The following SELENOV variants were observed in gnomAD, a reference collection of about 807,000 sequenced individuals.
SELENOV encodes selenoprotein V.
In SELENOV, 25 loss-of-function variants were observed where a neutral mutation model predicts 21.6. That is an observed-to-expected ratio of 1.16 (90% CI 0.84 to 1.62). The LOEUF is 1.62. Ranked by LOEUF, SELENOV falls within the 40% of genes most tolerant of loss-of-function variation. The probability of loss-of-function intolerance (pLI) is 0.00; values close to 1 mark genes in which losing one functional copy is unlikely to be tolerated. For missense variants in SELENOV, 472 were observed against 459.0 expected (o/e 1.03, Z -0.26); for synonymous variants, 227 against 216.9 (o/e 1.05, Z -0.41).
At chr19:39,518,976 A>G in exon 4 of SELENOV, 1 of 1,613,576 alleles carries the variant, frequency 6.2e-7, no homozygotes, top group Non-Finnish European at 8.5e-7. Context: ...CATTCCAAGA[A>G]GGTGATCCTG....
chr19:39,516,422 C>T (rs574529846), intron 1 of SELENOV, among the ~76,000 whole-genome samples: 57 of 152,032 alleles, frequency 3.7e-4, no homozygotes, highest in Non-Finnish European at 1.8e-4. Context: ...CCTCTCTGGC[C>T]CCTTGTCTCT....
Position 39,515,282 on chromosome 19 carries a change from C to T in SELENOV, c.70C>T (p.Pro24Ser). 1 of 1,551,190 alleles carries T rather than the reference C, an allele frequency of 6.4e-7. No individual in the cohort carries two copies. Among genetic ancestry groups the T allele is most frequent in the Admixed American group, 2.0e-5 (1 of 50,992 alleles). ...TTCAACCTCAGTCCGGGCTTCTACC[C>T]CGACCCGGACACCGACTCCACTCCG... The change falls in exon 1 of 6, where the codon CCG becomes TCG. Residue 24 changes from proline to serine, a missense_variant. Coordinates refer to ENST00000335426, the Ensembl canonical transcript of SELENOV. This position sits in a 1 kb window ranked among gnomAD's most constrained non-coding sequence, Gnocchi z 5.1.
chr19:39,515,558 C>A lies in SELENOV; in HGVS notation c.346C>A (p.Leu116Met). The A allele has an allele frequency of 6.5e-7, 1 of 1,549,964 alleles. No homozygotes were observed. Among genetic ancestry groups the A allele is most frequent in the Non-Finnish European group, 8.7e-7 (1 of 1,146,906 alleles). ...TCCGGTCCCGACTCCGGCTCGGACC[C>A]TGACTCCTCCAGTCCGGGTCCCAGC... Residue 116 changes from leucine (L) to methionine (M), a missense_variant, in exon 1 of 6, where the codon CTG becomes ATG. Coordinates refer to ENST00000335426, the Ensembl canonical transcript of SELENOV. The surrounding 1 kb of genome is among the most constrained non-coding windows in gnomAD (Gnocchi z 5.1).
At chr19:39,519,740 C>A (rs556283294) in intron 5 of SELENOV, among the ~76,000 whole-genome samples, 28 of 151,142 alleles carry the variant, frequency 1.9e-4, no homozygotes, top group African/African-American at 5.3e-4. Context: ...CCGAGGCGGG[C>A]GGGTCACGAG....
At chr19:39,520,470 G>A (rs2079722784) in exon 6 of SELENOV, 3 of 152,170 alleles carry the variant, frequency 2.0e-5, no homozygotes, top group Admixed American at 2.0e-4. Context: ...CCCATGCCCT[G>A]GTTCCAGATA....
Position 39,515,748 on chromosome 19 carries a change from C to A in SELENOV, c.536C>A (p.Pro179Gln), listed in dbSNP as rs775373840. ...CCGGCGCCGAGCCTGAAGCTCATCCCGTCGGTCTCCAGCGAGGCCGGGCCC... is the reference window on the plus strand; with the variant it reads ...CCGGCGCCGAGCCTGAAGCTCATCCAGTCGGTCTCCAGCGAGGCCGGGCCC... The change falls in exon 1 of 6, where the codon CCG (proline) becomes CAG (glutamine). Residue 179 changes from proline (P) to glutamine (Q), a missense_variant. Transcript: ENST00000335426. This position sits in a 1 kb window ranked among gnomAD's most constrained non-coding sequence, Gnocchi z 5.1. The A allele has an allele frequency of 1.9e-6, 3 of 1,549,300 alleles. No homozygotes were observed. The highest frequency in any genetic ancestry group is 2.0e-5 in the Admixed American group (1 of 50,916).
rs2079715133 is a variant in SELENOV at position 39,519,067 on chromosome 19, C to T, written c.964-4C>T. ...CCTGTGTGCTTTCTTCCCTCTGTGC[C>T]CAGAGGGGTGATGGCTTTGTGAACG... On this transcript the variant is annotated splice_region_variant and splice_polypyrimidine_tract_variant and intron_variant, in intron 4 of 5. Transcript: ENST00000335426. The T allele has an allele frequency of 6.2e-7, 1 of 1,612,768 alleles. No homozygotes were observed. Among genetic ancestry groups the T allele is most frequent in the East Asian group, 2.2e-5 (1 of 44,846 alleles).
chr19:39,519,172 T>C lies in SELENOV; in HGVS notation c.*22+2T>C. On this transcript the variant is annotated splice_donor_variant, in intron 5 of 5. Coordinates refer to ENST00000335426, the Ensembl canonical transcript of SELENOV. LOFTEE classifies it low-confidence loss of function (3UTR_SPLICE). ...AGCCGGCAAGGGGTGGAGCTGGAGG[T>C]GAGCGTGGAGCTCCCAAGGCTGCGG... The C allele has an allele frequency of 1.2e-6, 2 of 1,607,026 alleles. No homozygotes were observed. The highest frequency in any genetic ancestry group is 1.7e-4 in the Middle Eastern group (1 of 5,794).
At chr19:39,518,301 A>G (rs1036306324) in intron 1 of SELENOV, among the ~76,000 whole-genome samples, 5 of 150,744 alleles carry the variant, frequency 3.3e-5, no homozygotes, top group African/African-American at 9.8e-5. Flanking sequence ...AAACAAAAAA[A>G]AAAGAGAGAG....
Position 39,515,652 on chromosome 19 carries a change from C to T in SELENOV, c.440C>T (p.Pro147Leu). The T allele has an allele frequency of 6.5e-7, 1 of 1,548,330 alleles. No individual in the cohort carries two copies. The highest frequency in any genetic ancestry group is 1.4e-5 in the African/African-American group (1 of 73,170). The stretch of plus-strand genomic sequence containing the variant: ...CCCGTCTTGGACTCCTACCTGGCCC[C>T]GGCCCTACCTTTGGATCCGCCCCCG... Residue 147 changes from proline (P) to leucine (L), a missense_variant, in exon 1 of 6, where the codon CCG becomes CTG. Transcript: ENST00000335426. This position sits in a 1 kb window ranked among gnomAD's most constrained non-coding sequence, Gnocchi z 5.1.
intron 2 of SELENOV, 22 bp from the exon 3 acceptor site, chr19:39,518,718 T>A (rs755940710): frequency 1.2e-6 from 2 of 1,613,386 alleles, no homozygotes; most frequent in Non-Finnish European, 1.7e-6. Flanking sequence ...TGCAACCCCA[T>A]GACCCCATCT....
chr19:39,519,098 A>C (rs759490596), exon 5 of SELENOV: 1 of 1,613,856 alleles, frequency 6.2e-7, no homozygotes, highest in Non-Finnish European at 8.5e-7. Flanking sequence ...GAACGAGTCC[A>C]GGCTGCAGAA....
chr19:39,517,682 C>G (rs2079704153), intron 1 of SELENOV, among the ~76,000 whole-genome samples: 1 of 152,014 alleles, frequency 6.6e-6, no homozygotes, highest in Admixed American at 6.6e-5. Flanking sequence ...GAAAGATGAG[C>G]TAGGGGCAGG....
At position 39,515,339 on chromosome 19, in the gene SELENOV, A is replaced by G. The variant is rs1462338091; in HGVS notation, c.127A>G (p.Ile43Val). Reference sequence around the variant, plus strand: ...GACTCCGGTCCGGACTCGGACCCCCATCCGGACCCTGACTCCAGTCCTGAC... The same window carrying G: ...GACTCCGGTCCGGACTCGGACCCCCGTCCGGACCCTGACTCCAGTCCTGAC... The change falls in exon 1 of 6, where the codon ATC (isoleucine) becomes GTC (valine). Residue 43 changes from isoleucine (I) to valine (V), a missense_variant. By Grantham distance (29) the Ile-to-Val change is conservative. Coordinates refer to ENST00000335426, the Ensembl canonical transcript of SELENOV. This position sits in a 1 kb window ranked among gnomAD's most constrained non-coding sequence, Gnocchi z 5.1. 3.2e-6 allele frequency: 5 copies of G among 1,550,534 alleles called. No individual in the cohort carries two copies. Among genetic ancestry groups the G allele is most frequent in the East Asian group, 2.4e-5 (1 of 40,852 alleles).
rs56157115 is a variant in SELENOV at position 39,517,964 on chromosome 19, C to CAAAAAAAAAAAAAAAAAAA, written c.810-635_810-617dup. ...TGGGCGACAGAGCAAGACTCTGTCT[C>CAAAAAAAAAAAAAAAAAAA]AAAAAAAAAAAAAAAAAAAAAAAAA... On this transcript the variant is annotated intron_variant, in intron 1 of 5. Coordinates refer to ENST00000335426, the Ensembl canonical transcript of SELENOV. Among the ~76,000 whole-genome samples the CAAAAAAAAAAAAAAAAAAA allele has an allele frequency of 6.5e-4, 8 of 12,372 alleles. 2 individuals carry two copies. The highest frequency in any genetic ancestry group is 1.5e-3 in the Admixed American group (1 of 678). 8.1% of individuals were successfully genotyped at this position (12,372 alleles called of 152,430 possible).
At chr19:39,517,204 A>G (rs959490907) in intron 1 of SELENOV, among the ~76,000 whole-genome samples, 3 of 149,240 alleles carry the variant, frequency 2.0e-5, no homozygotes, top group Non-Finnish European at 3.0e-5. Flanking sequence ...GCTTCTCCCT[A>G]TCTCGGTTCC....
At position 39,515,456 on chromosome 19, in the gene SELENOV, C is replaced by A; in HGVS notation, c.244C>A (p.Pro82Thr). Residue 82 changes from proline to threonine, a missense_variant, in exon 1 of 6, where the codon CCC becomes ACC. By Grantham distance (38) the Pro-to-Thr change is conservative. Transcript: ENST00000335426. This position sits in a 1 kb window ranked among gnomAD's most constrained non-coding sequence, Gnocchi z 5.1. The stretch of plus-strand genomic sequence containing the variant: ...CCCCACTCCCGCTCTGGCCCGGATC[C>A]CCCGTCTGGTTCCGCCTCCTGCTCC... 1 of 1,551,542 alleles carries A rather than the reference C, an allele frequency of 6.4e-7. No homozygotes were observed. The highest frequency in any genetic ancestry group is 2.4e-5 in the East Asian group (1 of 40,912).
At position 39,519,187 on chromosome 19, in the gene SELENOV, C is replaced by G. The variant is rs1240113680; in HGVS notation, c.*22+17C>G. 1 of 1,584,022 alleles carries G rather than the reference C, an allele frequency of 6.3e-7. No homozygotes were observed. The highest frequency in any genetic ancestry group is 1.1e-5 in the South Asian group (1 of 90,006). ...GAGCTGGAGGTGAGCGTGGAGCTCC[C>G]AAGGCTGCGGTGGGAGGGGTGGAGG... On this transcript the variant is annotated intron_variant, in intron 5 of 5. Coordinates refer to ENST00000335426, the Ensembl canonical transcript of SELENOV.
At position 39,515,399 on chromosome 19, in the gene SELENOV, A is replaced by G. The variant is rs1378278408; in HGVS notation, c.187A>G (p.Thr63Ala). The change falls in exon 1 of 6, where the codon ACT becomes GCT. Residue 63 changes from threonine (T) to alanine (A), a missense_variant. Thr to Ala is a moderately conservative substitution (Grantham distance 58, BLOSUM62 0). Coordinates refer to ENST00000335426, the Ensembl canonical transcript of SELENOV. The surrounding 1 kb of genome is among the most constrained non-coding windows in gnomAD (Gnocchi z 5.1). ...AGCCGGGACTTCCCCTCTGGTCCTG[A>G]CTCCTGCTCCAGCCCAGATTCCCAC... 4 of 1,548,972 alleles carry G rather than the reference A, an allele frequency of 2.6e-6. No individual in the cohort carries two copies. Among genetic ancestry groups the G allele is most frequent in the Non-Finnish European group, 3.5e-6 (4 of 1,146,252 alleles).
Sources: gnomAD v4.1 joint callset for allele counts (sites outside exome capture counted in the v4.1 genomes callset) on GRCh38, gnomAD v4.1.1 for gene constraint, Gnocchi (gnomAD v3.1) non-coding constraint, MANE v1.5 for transcripts, NCBI Gene and HGNC (gene_info 2026-07-23, HGNC 2026-07-21) for gene names.